Variants in WWOX observed in about 807,000 individuals in gnomAD.
WWOX encodes WW domain containing oxidoreductase, also known as WW domain-containing oxidoreductase.
Under a neutral mutation model 46.2 loss-of-function variants are expected in WWOX, and 69 were observed. That is an observed-to-expected ratio of 1.49 (90% CI 1.23 to 1.82). The LOEUF is 1.82. Among genes scored for constraint, WWOX ranks in the 40% most tolerant of loss-of-function variants. WWOX has a pLI of 0.00. For synonymous variants in WWOX, 359 were observed against 202.6 expected (o/e 1.77, Z -6.56); for missense variants, 919 against 542.6 (o/e 1.69, Z -6.89).
At chr16:78,812,730 C>A (rs2051223109) in intron 8 of WWOX, among the ~76,000 whole-genome samples, 1 of 147,744 alleles carries the variant, frequency 6.8e-6, no homozygotes, top group Non-Finnish European at 1.5e-5. Context: ...CATCCTCCCA[C>A]CCCCTAAAAA....
intron 8 of WWOX, among the ~76,000 whole-genome samples, chr16:78,593,840 A>G (rs2045410289): frequency 6.6e-6 from 1 of 152,168 alleles, no homozygotes; most frequent in Admixed American, 6.5e-5. Context: ...ACATACGAGG[A>G]GTCCCTGGGT....
rs984397579 is a variant in WWOX at position 78,160,742 on chromosome 16, T to G, written c.410-3441T>G. On this transcript the variant is annotated intron_variant, in intron 4 of 8. Transcript: ENST00000566780. ...TCAGTTTTGGTAAGTATTCTTGAAG[T>G]ACTTGAGTATATTTTGCTGTTGCTT... is the stretch of plus-strand genomic sequence containing the variant. Among the ~76,000 whole-genome samples, 49 of 152,258 alleles carry G rather than the reference T, an allele frequency of 3.2e-4. 1 individual carries two copies. The highest frequency in any genetic ancestry group is 5.9e-5 in the Non-Finnish European group (4 of 68,040).
chr16:78,985,789 C>T (rs991132316), intron 8 of WWOX, among the ~76,000 whole-genome samples: 19 of 151,924 alleles, frequency 1.3e-4, no homozygotes, highest in Non-Finnish European at 2.1e-4. Flanking sequence ...AAAGAATAGG[C>T]ACAGACAATT....
chr16:78,972,007 G>A (rs758223247), intron 8 of WWOX, among the ~76,000 whole-genome samples: 6 of 152,124 alleles, frequency 3.9e-5, no homozygotes, highest in Non-Finnish European at 7.3e-5. Context: ...TCCACCTGCT[G>A]TTTACTCCGA....
chr16:78,410,963 C>A (rs1567556115), intron 6 of WWOX, among the ~76,000 whole-genome samples: 1 of 152,132 alleles, frequency 6.6e-6, no homozygotes, highest in Non-Finnish European at 1.5e-5. Flanking sequence ...CAGAGGCGAA[C>A]CTCAGTTCCC....
intron 5 of WWOX, among the ~76,000 whole-genome samples, chr16:78,345,458 CAAAAAAAAAAAAAAAAAAA>C (rs71137889): frequency 0.12 from 3,245 of 26,826 alleles, 693 homozygotes; most frequent in African/African-American, 0.21. Context: ...CCATCGCTAC[CAAAAAAAAAAAAAAAAAAA>C]AAAAAAAAAA....
At chr16:78,772,064 C>T (rs537219334) in intron 8 of WWOX, among the ~76,000 whole-genome samples, 16 of 152,150 alleles carry the variant, frequency 1.1e-4, no homozygotes, top group Middle Eastern at 3.4e-3. Flanking sequence ...ATTTTGGGTT[C>T]AGGGGTACAT....
intron 8 of WWOX, among the ~76,000 whole-genome samples, chr16:78,483,295 G>A (rs1016306523): frequency 3.3e-5 from 5 of 152,028 alleles, no homozygotes; most frequent in African/African-American, 4.8e-5. Flanking sequence ...ACTTTACTTG[G>A]AAGAGACGGG....
At chr16:78,713,223 G>A (rs936575545) in intron 8 of WWOX, among the ~76,000 whole-genome samples, 6 of 137,334 alleles carry the variant, frequency 4.4e-5, no homozygotes, top group African/African-American at 1.7e-4. Context: ...GCAGTGAGCT[G>A]TGATTGTGCC....
At chr16:78,402,884 C>T (rs1452909455) in intron 6 of WWOX, among the ~76,000 whole-genome samples, 1 of 152,174 alleles carries the variant, frequency 6.6e-6, no homozygotes, top group African/African-American at 2.4e-5. Flanking sequence ...ACTCCACTAC[C>T]ACATGTGAAT....
At chr16:78,100,259 GT>G (rs1156854511) in intron 1 of WWOX, 2 of 1,109,692 alleles carry the variant, frequency 1.8e-6, no homozygotes, top group Non-Finnish European at 2.2e-6. Context: ...GTTGTGTTTT[GT>G]TTTGTTTTGT....
rs550223464 is a variant in WWOX, at chr16:78,686,307, C to T, written c.1056+253555C>T. Among the ~76,000 whole-genome samples, 6 of 151,888 alleles carry T rather than the reference C, an allele frequency of 4.0e-5. No homozygotes were observed. In the East Asian group the frequency reaches 7.8e-4, roughly 20 times the overall value. On this transcript the variant is annotated intron_variant, in intron 8 of 8. Coordinates refer to ENST00000566780, the MANE Select transcript of WWOX (RefSeq NM_016373.4). ...CGGGCGGATCACGAGGTCAGGAGAT[C>T]CAGACCATCCTGGCTAAGTCGGTGA...
chr16:78,855,241 T>C (rs2052539741), intron 8 of WWOX, among the ~76,000 whole-genome samples: 1 of 152,178 alleles, frequency 6.6e-6, no homozygotes, highest in Admixed American at 6.6e-5. Flanking sequence ...TACTTAATGA[T>C]TAAAAACCAA....
At chr16:79,167,563 C>G (rs892163904) in intron 8 of WWOX, among the ~76,000 whole-genome samples, 2 of 152,206 alleles carry the variant, frequency 1.3e-5, no homozygotes, top group Middle Eastern at 3.4e-3. Flanking sequence ...TCCATGGCCT[C>G]CACGCATCGT....
intron 4 of WWOX, among the ~76,000 whole-genome samples, chr16:78,162,714 G>A (rs2034836917): frequency 6.6e-6 from 1 of 151,990 alleles, no homozygotes; most frequent in African/African-American, 2.4e-5. Context: ...ACTTGTTTTG[G>A]AACTCAGATT....
rs183464552 is a variant in WWOX at position 78,587,381 on chromosome 16, C to T, written c.1056+154629C>T. On this transcript the variant is annotated intron_variant, in intron 8 of 8. Coordinates refer to ENST00000566780, the MANE Select transcript of WWOX (RefSeq NM_016373.4). The stretch of plus-strand genomic sequence containing the variant: ...AAAATAAAATTTCAGAGAAAGCAAC[C>T]AAAGGGAGCATAACTCTGATAAGAA... 1.3e-3 allele frequency among the ~76,000 whole-genome samples: 198 copies of T among 151,822 alleles called. 1 individual carries two copies. The highest frequency in any genetic ancestry group is 4.6e-3 in the African/African-American group (190 of 41,376).
chr16:78,188,816 G>T (rs2151761361), intron 5 of WWOX, among the ~76,000 whole-genome samples: 1 of 152,220 alleles, frequency 6.6e-6, no homozygotes, highest in Non-Finnish European at 1.5e-5. Context: ...TTTTCCCTGG[G>T]ATCACTGGAA....
intron 8 of WWOX, among the ~76,000 whole-genome samples, chr16:78,915,313 A>G (rs1342574843): frequency 1.3e-5 from 2 of 152,208 alleles, no homozygotes; most frequent in African/African-American, 4.8e-5. Flanking sequence ...GGCTGGTCCA[A>G]TTCCATAAGA....
At chr16:78,508,133 C>G (rs903199636) in intron 8 of WWOX, among the ~76,000 whole-genome samples, 45 of 151,788 alleles carry the variant, frequency 3.0e-4, no homozygotes, top group African/African-American at 1.1e-3. Context: ...CTCAATCTCC[C>G]TAGTAGTTGA....
Sources: allele counts gnomAD v4.1 joint callset (sites outside exome capture counted in the v4.1 genomes callset), GRCh38; gene constraint gnomAD v4.1.1; transcripts MANE v1.5; gene names NCBI Gene and HGNC (gene_info 2026-07-23, HGNC 2026-07-21).